Variants in TTLL11 observed in about 807,000 individuals in gnomAD.
TTLL11 encodes the protein tubulin polyglutamylase TTLL11.
In TTLL11, 42 loss-of-function variants were observed where a neutral mutation model predicts 51.7. The observed-to-expected ratio is 0.81, with a 90% CI of 0.64 to 1.05. The LOEUF is 1.05. Among genes scored for constraint, TTLL11 ranks in the 50% least tolerant of loss-of-function variants. TTLL11 has a pLI of 0.00. For synonymous variants in TTLL11, 381 were observed against 383.5 expected, an observed-to-expected ratio of 0.99 and a Z score of 0.08; for missense variants, 799 against 940.4, an observed-to-expected ratio of 0.85 and a Z score of 1.97.
intron 6 of TTLL11, among the ~76,000 whole-genome samples, chr9:121,877,726 C>A (rs1018477146): frequency 7.9e-5 from 12 of 152,164 alleles, no homozygotes; most frequent in Non-Finnish European, 1.5e-4. Flanking sequence ...TTGATAAAAT[C>A]CTATGAAGCA....
intron 3 of TTLL11, among the ~76,000 whole-genome samples, chr9:122,006,958 G>A (rs1256863739): frequency 5.0e-5 from 7 of 139,400 alleles, no homozygotes; most frequent in African/African-American, 1.4e-4. Context: ...TCCACTCCTC[G>A]GTGGCAGAGC....
intron 6 of TTLL11, among the ~76,000 whole-genome samples, chr9:121,923,336 G>T (rs1200123946): frequency 6.6e-6 from 1 of 152,176 alleles, no homozygotes; most frequent in Non-Finnish European, 1.5e-5. Flanking sequence ...CGAATAGCTT[G>T]TACGTTACAA....
chr9:122,017,228 G>A (rs1310385276), intron 3 of TTLL11, among the ~76,000 whole-genome samples: 3 of 152,044 alleles, frequency 2.0e-5, no homozygotes, highest in Non-Finnish European at 4.4e-5. Flanking sequence ...GCACTGTCAG[G>A]ACATTGTTTT....
At chr9:121,892,524 C>T (rs1373638116) in intron 6 of TTLL11, among the ~76,000 whole-genome samples, 6 of 152,074 alleles carry the variant, frequency 3.9e-5, no homozygotes, top group Non-Finnish European at 5.9e-5. Flanking sequence ...GGGAAACCGC[C>T]TCCATTATTC....
chr9:122,083,325 T>G (rs1454461521), intron 1 of TTLL11, among the ~76,000 whole-genome samples: 1 of 152,094 alleles, frequency 6.6e-6, no homozygotes, highest in African/African-American at 2.4e-5. Flanking sequence ...CAGTGACTCA[T>G]GAAAGCAGGT....
At chr9:121,948,129 A>G (rs1033946746) in intron 6 of TTLL11, among the ~76,000 whole-genome samples, 2 of 152,220 alleles carry the variant, frequency 1.3e-5, no homozygotes, top group African/African-American at 4.8e-5. Context: ...CATCCTCTTA[A>G]TAACCCTGTG....
intron 6 of TTLL11, among the ~76,000 whole-genome samples, chr9:121,886,173 G>A (rs1339690150): frequency 2.6e-5 from 4 of 152,158 alleles, no homozygotes; most frequent in Non-Finnish European, 4.4e-5. Context: ...CCTGGGTTCC[G>A]TGCCCTATGA....
At chr9:122,024,010 C>T (rs1844259231) in intron 3 of TTLL11, among the ~76,000 whole-genome samples, 1 of 152,048 alleles carries the variant, frequency 6.6e-6, no homozygotes, top group Non-Finnish European at 1.5e-5. Flanking sequence ...TAAGACAAAA[C>T]CATTCAATTC....
At chr9:121,996,133 C>T (rs1843252379) in intron 3 of TTLL11, among the ~76,000 whole-genome samples, 1 of 152,184 alleles carries the variant, frequency 6.6e-6, no homozygotes, top group Non-Finnish European at 1.5e-5. Context: ...ATGCACTCCT[C>T]GAGTGGCCTG....
At chr9:121,891,389 G>C (rs1044052534) in intron 6 of TTLL11, among the ~76,000 whole-genome samples, 4 of 152,174 alleles carry the variant, frequency 2.6e-5, no homozygotes, top group African/African-American at 9.7e-5. Flanking sequence ...CACAGGGCAG[G>C]CATTTAACAC....
At chr9:121,887,624 C>A (rs1296099468) in intron 6 of TTLL11, among the ~76,000 whole-genome samples, 12 of 152,200 alleles carry the variant, frequency 7.9e-5, no homozygotes, top group African/African-American at 2.9e-4. Context: ...GTGAGATGAG[C>A]AGACTATGCC....
intron 1 of TTLL11, among the ~76,000 whole-genome samples, chr9:122,040,752 C>T (rs1216376287): frequency 6.6e-6 from 1 of 152,182 alleles, no homozygotes; most frequent in African/African-American, 2.4e-5. Flanking sequence ...AAATCAGTCA[C>T]ATTATTTCAA....
intron 1 of TTLL11, among the ~76,000 whole-genome samples, chr9:122,055,497 T>C (rs898610559): frequency 6.6e-6 from 1 of 152,164 alleles, no homozygotes; most frequent in South Asian, 2.1e-4. Flanking sequence ...CCCGCTCAGA[T>C]TAAGGGTGGG....
chr9:121,943,492 G>A (rs1228832178), intron 6 of TTLL11, among the ~76,000 whole-genome samples: 1 of 152,112 alleles, frequency 6.6e-6, no homozygotes, highest in African/African-American at 2.4e-5. Flanking sequence ...TTTACCGAGG[G>A]ACAAAACCTT....
intron 3 of TTLL11, among the ~76,000 whole-genome samples, chr9:122,011,630 G>A (rs983326327): frequency 3.3e-5 from 5 of 152,126 alleles, no homozygotes; most frequent in African/African-American, 1.2e-4. Flanking sequence ...ACACAGAAGT[G>A]GTTAGGGGTA....
intron 6 of TTLL11, among the ~76,000 whole-genome samples, chr9:121,901,615 C>G (rs1011936379): frequency 1.3e-5 from 2 of 151,994 alleles, no homozygotes; most frequent in African/African-American, 4.8e-5. Context: ...AGAACCAAGG[C>G]CAACACTGGT....
chr9:121,866,101 A>G (rs956221134), intron 7 of TTLL11, among the ~76,000 whole-genome samples: 2 of 152,256 alleles, frequency 1.3e-5, no homozygotes, highest in Non-Finnish European at 2.9e-5. Flanking sequence ...AGAGGAGTGT[A>G]TATCTCGCCA....
chr9:122,029,450 G>A (rs534850582), intron 3 of TTLL11, among the ~76,000 whole-genome samples: 2 of 152,218 alleles, frequency 1.3e-5, no homozygotes, highest in East Asian at 3.9e-4. Context: ...TCCTGACCCC[G>A]TGTAGGCCTA....
Position 122,031,847 on chromosome 9 carries a change from T to G in TTLL11, c.569A>C (p.Glu190Ala), listed in dbSNP as rs1425908901. Residue 190 changes from glutamate (E) to alanine (A), a missense_variant, in exon 3 of 9, where the codon GAG becomes GCG. This residue lies in a region of TTLL11 where 468 missense variants were observed against 612.8 expected (regional missense o/e 0.76). Transcript: ENST00000321582. The part of the protein sequence containing the change: ...GQVNKFPGMT[E>A]MVRKITLSRA... ...GCTCAGAGTAATTTTACGCACCATC[T>G]CCGTCATGCCTGGGGAGAAGAGACG... The G allele has an allele frequency of 7.4e-6, 12 of 1,613,122 alleles. No homozygotes were observed. The highest frequency in any genetic ancestry group is 1.3e-5 in the African/African-American group (1 of 74,884).
Sources: allele counts gnomAD v4.1 joint callset (sites outside exome capture counted in the v4.1 genomes callset), GRCh38; gene constraint gnomAD v4.1.1; regional missense constraint gnomAD v4.1.1; transcripts MANE v1.5; gene names NCBI Gene and HGNC (gene_info 2026-07-23, HGNC 2026-07-21).